The following APLP2 variants were observed in gnomAD, a reference collection of about 807,000 sequenced individuals.
APLP2 encodes CDEI box-binding protein.
In APLP2, 53 loss-of-function variants were observed where a neutral mutation model predicts 89.9. That is an observed-to-expected ratio of 0.59 (90% CI 0.47 to 0.74). APLP2 has a LOEUF of 0.74. Among genes scored for constraint, APLP2 ranks in the 30% least tolerant of loss-of-function variants. The probability of loss-of-function intolerance (pLI) is 0.00; values close to 1 mark genes in which losing one functional copy is unlikely to be tolerated. For missense variants in APLP2, 973 were observed against 975.9 expected (o/e 1.00, Z 0.04); for synonymous variants, 372 against 348.6 (o/e 1.07, Z -0.75).
At chr11:130,136,114 A>G (rs1951558341) in intron 13 of APLP2, among the ~76,000 whole-genome samples, 2 of 152,072 alleles carry the variant, frequency 1.3e-5, no homozygotes, top group Admixed American at 1.3e-4. Context: ...GGCGTGGGTC[A>G]TATCTCTGAC....
chr11:130,082,406 A>G (rs1591763411), intron 1 of APLP2: 1 of 151,348 alleles, frequency 6.6e-6, no homozygotes, highest in Non-Finnish European at 1.5e-5. Flanking sequence ...CTGGTCTTGA[A>G]CTCTTGACCT....
chr11:130,143,887 G>GA lies in APLP2; in HGVS notation c.*447dup, dbSNP rs374911504. ...TTCACTGTCCTGGCTTTTATTTAAA[G>GA]AAAAAAAAGGCAGTATTCCCTTTTT... is the stretch of plus-strand genomic sequence containing the variant. On this transcript the variant is annotated 3_prime_UTR_variant, in exon 17 of 17. Transcript: ENST00000338167. 2.7e-3 allele frequency: 419 copies of GA among 155,020 alleles called. 1 individual carries two copies. The highest frequency in any genetic ancestry group is 9.5e-3 in the African/African-American group (393 of 41,398). The allele number at this position is 155,020 out of a possible 1,614,324, so 9.6% of individuals were successfully genotyped here.
At chr11:130,119,965 C>T (rs1354845017) in intron 3 of APLP2, among the ~76,000 whole-genome samples, 1 of 152,140 alleles carries the variant, frequency 6.6e-6, no homozygotes, top group African/African-American at 2.4e-5. Flanking sequence ...TCTTTAGAAA[C>T]AAAAACTTTC....
chr11:130,090,887 G>T (rs1474787690), intron 1 of APLP2, among the ~76,000 whole-genome samples: 1 of 131,692 alleles, frequency 7.6e-6, no homozygotes, highest in African/African-American at 2.7e-5. Flanking sequence ...TTGGCCGGGC[G>T]GGGGGGCTGA....
chr11:130,128,885 A>C (rs1172939737), intron 9 of APLP2, among the ~76,000 whole-genome samples, 163 bp from the exon 10 acceptor site: 1 of 152,218 alleles, frequency 6.6e-6, no homozygotes, highest in Non-Finnish European at 1.5e-5. Flanking sequence ...AGTAGAATGA[A>C]GGTAGGATGA....
rs1253947260 is a variant in APLP2, at chr11:130,070,074, T to C, written c.97T>C (p.Tyr33His). 1.4e-6 allele frequency: 2 copies of C among 1,474,120 alleles called. No homozygotes were observed. The highest frequency in any genetic ancestry group is 1.3e-5 in the South Asian group (1 of 77,644). 91.3% of individuals were successfully genotyped at this position (1,474,120 alleles called of 1,614,324 possible). The change falls in exon 1 of 17, where the codon TAC (tyrosine) becomes CAC (histidine). Residue 33 changes from tyrosine to histidine, a missense_variant. By Grantham distance (83) the Tyr-to-His change is moderately conservative (BLOSUM62 2). Coordinates refer to ENST00000338167, the MANE Select transcript of APLP2 (RefSeq NM_001142276.2). ...GGCGCCTGCCTTGGCGCTGGCCGGCTACATCGAGGTGGGGACCGGGCGAAC... is the reference window on the plus strand; with the variant it reads ...GGCGCCTGCCTTGGCGCTGGCCGGCCACATCGAGGTGGGGACCGGGCGAAC... ...LTAPALALAGYIEALAANAGT... is the reference protein window; with the variant it reads ...LTAPALALAGHIEALAANAGT...
intron 1 of APLP2, among the ~76,000 whole-genome samples, chr11:130,071,147 T>C (rs1042501438): frequency 2.0e-5 from 3 of 152,274 alleles, no homozygotes; most frequent in Non-Finnish European, 4.4e-5. Flanking sequence ...TCTGCATACT[T>C]AGCTAATTTC....
chr11:130,090,344 G>C (rs1944756909), intron 1 of APLP2, among the ~76,000 whole-genome samples: 1 of 145,446 alleles, frequency 6.9e-6, no homozygotes, highest in African/African-American at 2.6e-5. Flanking sequence ...GACAATAGTG[G>C]AGGGAAGGTC....
At chr11:130,082,179 A>AT (rs79862906) in intron 1 of APLP2, among the ~76,000 whole-genome samples, 349 of 147,862 alleles carry the variant, frequency 2.4e-3, no homozygotes, top group Non-Finnish European at 3.7e-3. Context: ...TCAAAACTTC[A>AT]TTTTTTTTTT....
intron 7 of APLP2, 64 bp from the exon 8 acceptor site, chr11:130,126,636 G>GTT: frequency 6.3e-7 from 1 of 1,595,020 alleles, no homozygotes; most frequent in Admixed American, 1.7e-5. Flanking sequence ...CCTGAGCTGG[G>GTT]TTTTCTTCCT....
At chr11:130,097,255 C>A (rs1946331954) in intron 1 of APLP2, among the ~76,000 whole-genome samples, 1 of 152,200 alleles carries the variant, frequency 6.6e-6, no homozygotes, top group African/African-American at 2.4e-5. Context: ...AGCGGAATGA[C>A]TATAGAAATT....
chr11:130,076,218 G>A (rs944728556), intron 1 of APLP2, among the ~76,000 whole-genome samples: 1 of 152,072 alleles, frequency 6.6e-6, no homozygotes, highest in Non-Finnish European at 1.5e-5. Context: ...GGGATTACAG[G>A]TGTGCGCCAC....
chr11:130,123,540 C>A lies in APLP2; in HGVS notation c.923-72C>A. 1 of 1,506,348 alleles carries A rather than the reference C, an allele frequency of 6.6e-7. No individual in the cohort carries two copies. The highest frequency in any genetic ancestry group is 9.0e-7 in the Non-Finnish European group (1 of 1,114,318). The allele number at this position is 1,506,348 out of a possible 1,614,324, so 93.3% of individuals were successfully genotyped here. A position where few individuals can be genotyped will look rare whatever the true frequency, so the allele number is the denominator to read the frequency against. On this transcript the variant is annotated intron_variant, in intron 6 of 16. Transcript: ENST00000338167. The surrounding 1 kb of genome is among the most constrained non-coding windows in gnomAD (Gnocchi z 4.0). ...TCCCCCAGCCCATCCCCCAGCTCGC[C>A]AGCCTGTAGCATTTTGAAGCATTTG...
In APLP2 at chr11:130,126,939, A is replaced by C. The variant is rs114824378; in HGVS notation, c.1221+109A>C. On this transcript the variant is annotated intron_variant, in intron 8 of 16. Transcript: ENST00000338167. Reference sequence around the variant, plus strand: ...TCCCTAGATTGTCATGCTGATGTATAAGGACTGGTGAGTCAGGAGAGAGTT... The same window carrying C: ...TCCCTAGATTGTCATGCTGATGTATCAGGACTGGTGAGTCAGGAGAGAGTT... The C allele has an allele frequency of 4.4e-4, 661 of 1,490,532 alleles. 6 individuals are homozygous for C. In the African/African-American group the frequency reaches 8.6e-3, roughly 19 times the overall value. 92.3% of individuals were successfully genotyped at this position (1,490,532 alleles called of 1,614,324 possible).
chr11:130,137,049 T>C (rs1227715222), intron 13 of APLP2, among the ~76,000 whole-genome samples: 1 of 152,226 alleles, frequency 6.6e-6, no homozygotes, highest in African/African-American at 2.4e-5. Context: ...TTTTCTCTCT[T>C]ATCAAGGATA....
chr11:130,083,026 C>CT (rs553962550), intron 1 of APLP2, among the ~76,000 whole-genome samples: 1,483 of 72,518 alleles, frequency 0.02, 173 homozygotes, highest in East Asian at 0.043. Flanking sequence ...CTTTTCTTTT[C>CT]TTTTTTTTTT....
At chr11:130,127,682 A>G (rs1950532751) in intron 8 of APLP2, 84 bp from the exon 9 acceptor site, 1 of 1,105,024 alleles carries the variant, frequency 9.0e-7, no homozygotes, top group Admixed American at 1.8e-5. Context: ...TGTGAGATTT[A>G]GCATCTGACA....
chr11:130,094,940 A>C (rs61349706), intron 1 of APLP2, among the ~76,000 whole-genome samples: 14,788 of 152,232 alleles, frequency 0.097, 1,070 homozygotes, highest in African/African-American at 0.19. Flanking sequence ...AGTGTGTCTG[A>C]CTACACTGAA....
intron 3 of APLP2, among the ~76,000 whole-genome samples, chr11:130,120,002 A>T (rs1949637907): frequency 6.6e-6 from 1 of 152,218 alleles, no homozygotes; most frequent in Admixed American, 6.5e-5. Flanking sequence ...TTAAGAGTCC[A>T]TGCCATTTGT....
Sources: gnomAD v4.1 joint callset for allele counts (sites outside exome capture counted in the v4.1 genomes callset) on GRCh38, gnomAD v4.1.1 for gene constraint, Gnocchi (gnomAD v3.1) non-coding constraint, MANE v1.5 for transcripts, NCBI Gene and HGNC (gene_info 2026-07-23, HGNC 2026-07-21) for gene names.